Variants in NSFL1C observed in about 807,000 individuals in gnomAD.
NSFL1C encodes the protein NSFL1 cofactor p47.
NSFL1C carries 14 observed loss-of-function variants against 43.1 expected under a neutral mutation model. The observed-to-expected ratio is 0.32, with a 90% CI of 0.21 to 0.51. The LOEUF (loss-of-function observed/expected upper bound fraction) is 0.51, where lower values mean the gene tolerates loss of function less well. Ranked by LOEUF, NSFL1C falls within the 20% of genes least tolerant of loss-of-function variation. The probability of loss-of-function intolerance (pLI) is 0.98; values close to 1 mark genes in which losing one functional copy is unlikely to be tolerated. For missense variants in NSFL1C, 406 were observed against 472.5 expected, an observed-to-expected ratio of 0.86 and a Z score of 1.30; for synonymous variants, 171 against 183.5, an observed-to-expected ratio of 0.93 and a Z score of 0.55.
intron 2 of NSFL1C, among the ~76,000 whole-genome samples, chr20:1,462,463 A>G (rs1348260239): frequency 6.6e-6 from 1 of 152,004 alleles, no homozygotes; most frequent in Admixed American, 6.5e-5. Flanking sequence ...ATGTGCGTCC[A>G]GTCTTTTTAC....
intron 2 of NSFL1C, among the ~76,000 whole-genome samples, chr20:1,461,829 A>G (rs2090417640): frequency 6.6e-6 from 1 of 152,202 alleles, no homozygotes; most frequent in Admixed American, 6.5e-5. Context: ...AGGACTAAAA[A>G]GATGTTCATG....
At chr20:1,460,453 T>C (rs1331064132) in intron 2 of NSFL1C, among the ~76,000 whole-genome samples, 1 of 152,232 alleles carries the variant, frequency 6.6e-6, no homozygotes, top group East Asian at 1.9e-4. Context: ...AGTTACCTTA[T>C]GGCATGGATG....
chr20:1,453,157 TA>T lies in NSFL1C; in HGVS notation c.538-18del. 7.1e-7 allele frequency: 1 copy of T among 1,400,564 alleles called. No homozygotes were observed. The highest frequency in any genetic ancestry group is 1.0e-6 in the Non-Finnish European group (1 of 985,798). The allele number at this position is 1,400,564 out of a possible 1,614,324, so 86.8% of individuals were successfully genotyped here. Reference sequence around the variant, plus strand: ...TACATGAACCTGTGATGACAGGGAGTAAACAGTTACCAGGGATCTGGCAAGC... The same window carrying T: ...TACATGAACCTGTGATGACAGGGAGTAACAGTTACCAGGGATCTGGCAAGC... On this transcript the variant is annotated intron_variant, in intron 5 of 8. Coordinates refer to ENST00000216879, the MANE Select transcript of NSFL1C (RefSeq NM_016143.5).
At chr20:1,452,464 G>C in intron 7 of NSFL1C, 29 bp downstream of exon 7, 2 of 1,611,876 alleles carry the variant, frequency 1.2e-6, no homozygotes, top group Non-Finnish European at 1.7e-6. Flanking sequence ...GATTGACAGA[G>C]TCTGGCTCTA....
At chr20:1,458,329 C>G in intron 2 of NSFL1C, 55 bp from the exon 3 acceptor site, 3 of 1,457,030 alleles carry the variant, frequency 2.1e-6, no homozygotes, top group Non-Finnish European at 2.9e-6. Flanking sequence ...AAAGGTAACC[C>G]TCATCACCAG....
At chr20:1,452,980 A>C (rs777784765) in intron 6 of NSFL1C, 51 bp downstream of exon 6, 2 of 963,026 alleles carry the variant, frequency 2.1e-6, no homozygotes, top group East Asian at 4.8e-5. Context: ...TCCTTTCCCA[A>C]CTGCTATCCA....
At chr20:1,446,279 G>A in intron 7 of NSFL1C, 1 of 240,960 alleles carries the variant, frequency 4.2e-6, no homozygotes, top group Non-Finnish European at 8.5e-6. Context: ...AGCCTGGCAG[G>A]TGAGTGGCAG....
chr20:1,447,910 A>AAC (rs1200416911), intron 7 of NSFL1C, among the ~76,000 whole-genome samples: 1 of 152,180 alleles, frequency 6.6e-6, no homozygotes. Context: ...TAGATGAGAA[A>AAC]ACACACACAC....
At chr20:1,455,159 G>GA (rs1486646262) in intron 3 of NSFL1C, 27 bp from the exon 4 acceptor site, 4 of 1,613,586 alleles carry the variant, frequency 2.5e-6, no homozygotes, top group Non-Finnish European at 3.4e-6. Flanking sequence ...CCTCTAACAT[G>GA]AAACACTCAT....
At chr20:1,452,697 G>A in intron 6 of NSFL1C, 67 bp from the exon 7 acceptor site, 2 of 1,592,490 alleles carry the variant, frequency 1.3e-6, no homozygotes, top group Non-Finnish European at 1.7e-6. Context: ...TGGGAAAAGG[G>A]GAGAAGAAAC....
Position 1,443,826 on chromosome 20 carries a change from T to C in NSFL1C, c.1036A>G (p.Lys346Glu), listed in dbSNP as rs1404950206. Residue 346 changes from lysine (K) to glutamate (E), a missense_variant, in exon 9 of 9, where the codon AAA becomes GAA. This residue lies in a region of NSFL1C where 196 missense variants were observed against 228.0 expected (regional missense o/e 0.86). Coordinates refer to ENST00000216879, the MANE Select transcript of NSFL1C (RefSeq NM_016143.5). ...SFILMTTFPN[K>E]ELADESQTLK... ...GTCTGGCTCTCATCAGCCAGCTCTT[T>C]GTTCGGGAAAGTAGTCATGAGGATA... The C allele has an allele frequency of 2.5e-6, 4 of 1,614,014 alleles. No homozygotes were observed. Among genetic ancestry groups the C allele is most frequent in the African/African-American group, 1.3e-5 (1 of 74,936 alleles).
chr20:1,447,200 T>C (rs947791826), intron 7 of NSFL1C, among the ~76,000 whole-genome samples: 2 of 152,188 alleles, frequency 1.3e-5, no homozygotes, highest in East Asian at 1.9e-4. Flanking sequence ...CCTCAAAGCA[T>C]GTGGGACTCA....
In NSFL1C at chr20:1,445,835, GGA is replaced by G. The variant is rs757619583; in HGVS notation, c.786-7_786-6del. ...CTCAACACCTGGGGGGCAGTGCTGA[GGA>G]GAGAGGATGGCATCAGAACACAAGC... On this transcript the variant is annotated splice_region_variant and splice_polypyrimidine_tract_variant and intron_variant, in intron 7 of 8. Coordinates refer to ENST00000216879, the MANE Select transcript of NSFL1C (RefSeq NM_016143.5). 6.2e-7 allele frequency: 1 copy of G among 1,613,792 alleles called. No individual in the cohort carries two copies. The highest frequency in any genetic ancestry group is 8.5e-7 in the Non-Finnish European group (1 of 1,179,896).
Position 1,459,412 on chromosome 20 carries a change from T to C in NSFL1C, c.204-1138A>G, listed in dbSNP as rs186314675. Among the ~76,000 whole-genome samples, 76 of 152,354 alleles carry C rather than the reference T, an allele frequency of 5.0e-4. 1 individual carries two copies. The highest frequency in any genetic ancestry group is 1.8e-3 in the African/African-American group (76 of 41,594). On this transcript the variant is annotated intron_variant, in intron 2 of 8. Transcript: ENST00000216879. ...TAAGTTTCCTAAGGCCTTCCAGCTA[T>C]GCTTCCTGTACAGCTGTGGAAATGT... is the stretch of plus-strand genomic sequence containing the variant.
In NSFL1C at chr20:1,450,380, C is replaced by G. The variant is rs569963040; in HGVS notation, c.785+2113G>C. On this transcript the variant is annotated intron_variant, in intron 7 of 8. Transcript: ENST00000216879. ...GCTAAGTTTTCATAAAAAGCCAGAA[C>G]TGAAATAAAATGCAAGTGGAACTGG... is the stretch of plus-strand genomic sequence containing the variant. Among the ~76,000 whole-genome samples the G allele has an allele frequency of 1.1e-3, 169 of 151,976 alleles. 1 individual carries two copies. Among genetic ancestry groups the G allele is most frequent in the African/African-American group, 3.9e-3 (160 of 41,478 alleles).
intron 4 of NSFL1C, 121 bp from the exon 5 acceptor site, chr20:1,454,426 T>C: frequency 1.4e-6 from 1 of 691,222 alleles, no homozygotes; most frequent in Non-Finnish European, 2.5e-6. Flanking sequence ...CTGATCAAGC[T>C]TGTTAGCTAC....
At chr20:1,464,454 C>T in intron 1 of NSFL1C, 28 bp from the exon 2 acceptor site, 1 of 1,589,642 alleles carries the variant, frequency 6.3e-7, no homozygotes. Flanking sequence ...TACCTTGGGA[C>T]CCTTAAACAG....
intron 7 of NSFL1C, among the ~76,000 whole-genome samples, chr20:1,449,312 A>C (rs2093350544): frequency 6.6e-6 from 1 of 152,222 alleles, no homozygotes; most frequent in African/African-American, 2.4e-5. Context: ...AATCGACTAG[A>C]AATGCTATCA....
chr20:1,458,018 G>T, intron 3 of NSFL1C, 182 bp downstream of exon 3: 1 of 516,320 alleles, frequency 1.9e-6, no homozygotes. Context: ...AACGGAACAG[G>T]GGTCACTTCT....
Sources: gnomAD v4.1 joint callset for allele counts (sites outside exome capture counted in the v4.1 genomes callset) on GRCh38, gnomAD v4.1.1 for gene constraint, gnomAD v4.1.1 regional missense constraint, MANE v1.5 for transcripts, NCBI Gene and HGNC (gene_info 2026-07-23, HGNC 2026-07-21) for gene names.